Variants in NRK observed in about 807,000 individuals in gnomAD.
NRK encodes the protein nik-related protein kinase.
In NRK, 67 loss-of-function variants were observed where a neutral mutation model predicts 125.2. That is an observed-to-expected ratio of 0.54 (90% CI 0.44 to 0.66). NRK has a LOEUF of 0.66. Among genes scored for constraint, NRK ranks in the 30% least tolerant of loss-of-function variants. The probability of loss-of-function intolerance (pLI) is 0.00; values close to 1 mark genes in which losing one functional copy is unlikely to be tolerated. For missense variants in NRK, 1,224 were observed against 1,192.9 expected (o/e 1.03, Z -0.38); for synonymous variants, 458 against 429.0 (o/e 1.07, Z -0.84).
At chrX:105,873,845 C>T in intron 2 of NRK, among the ~76,000 whole-genome samples, 1 of 111,507 alleles carries the variant, frequency 9.0e-6, no homozygotes, top group East Asian at 2.9e-4. Flanking sequence ...ATTCATCATT[C>T]ACTAAACTAG....
At chrX:105,905,443 G>C in intron 10 of NRK, 100 bp downstream of exon 10, 3 of 601,355 alleles carry the variant, frequency 5.0e-6, no homozygotes, top group South Asian at 2.5e-5. Context: ...GCACCATCCT[G>C]GTTGGACAAT....
At chrX:105,890,778 C>T (rs2040006753) in intron 5 of NRK, among the ~76,000 whole-genome samples, 1 of 111,636 alleles carries the variant, frequency 9.0e-6, no homozygotes, top group African/African-American at 3.3e-5. Flanking sequence ...CCTCCCATGA[C>T]ATGTGGGAAT....
Position 105,898,733 on chromosome X carries a change from C to A in NRK, c.711+19C>A. On this transcript the variant is annotated intron_variant, in intron 8 of 28. Transcript: ENST00000243300. ...TTACAGAGTGAGTGTGAGAATTCAG[C>A]CAGTGGAAATTACAATTTGGAAAGG... The A allele has an allele frequency of 9.0e-7, 1 of 1,108,556 alleles. No individual in the cohort carries two copies. 91.4% of individuals were successfully genotyped at this position (1,108,556 alleles called of 1,213,427 possible). A position where few individuals can be genotyped will look rare whatever the true frequency, so the allele number is the denominator to read the frequency against.
intron 2 of NRK, among the ~76,000 whole-genome samples, chrX:105,862,057 TTATC>T (rs768946428): frequency 1.4e-4 from 14 of 102,823 alleles, no homozygotes; most frequent in Admixed American, 5.0e-4. Context: ...AGCAAGACTC[TTATC>T]TATCTATCTA....
intron 11 of NRK, 197 bp from the exon 12 acceptor site, chrX:105,908,043 C>T (rs935158661): frequency 6.6e-6 from 2 of 303,226 alleles, no homozygotes; most frequent in African/African-American, 5.6e-5. Context: ...CATGCAATAG[C>T]TATATTGTGC....
At chrX:105,825,397 G>A (rs961774122) in intron 1 of NRK, among the ~76,000 whole-genome samples, 2 of 112,094 alleles carry the variant, frequency 1.8e-5, no homozygotes, top group African/African-American at 6.5e-5. Flanking sequence ...GACAATGAGG[G>A]AAGATTCAAA....
In NRK at chrX:105,880,161, A is replaced by C. The variant is rs1184249936; in HGVS notation, c.124-38A>C. On this transcript the variant is annotated intron_variant, in intron 2 of 28. Coordinates refer to ENST00000243300, the MANE Select transcript of NRK (RefSeq NM_198465.4). ...TTGCTTCTTGATAGCTGGATTACCT[A>C]GCCAGCATTTGATATTTATCACTAT... 5.4e-6 allele frequency: 4 copies of C among 740,509 alleles called. No individual in the cohort carries two copies. In the Admixed American group the frequency reaches 1.3e-4, roughly 25 times the overall value. The allele number at this position is 740,509 out of a possible 1,213,427, so 61.0% of individuals were successfully genotyped here.
Position 105,956,114 on chromosome X carries a change from C to T in NRK, c.*514C>T, listed in dbSNP as rs2147808565. On this transcript the variant is annotated 3_prime_UTR_variant, in exon 29 of 29. Transcript: ENST00000243300. ...GACTAAGGTTGAACAACCTGCATGC[C>T]CAGAGAAAACTATGGCGACAAAGGG... 9.0e-6 allele frequency: 1 copy of T among 111,333 alleles called. No homozygotes were observed. Among genetic ancestry groups the T allele is most frequent in the South Asian group, 3.8e-4 (1 of 2,663 alleles). 9.2% of individuals were successfully genotyped at this position (111,333 alleles called of 1,213,427 possible). A position where few individuals can be genotyped will look rare whatever the true frequency, so the allele number is the denominator to read the frequency against.
chrX:105,822,458 A>G (rs2039033410), upstream of NRK: 1 of 221,685 alleles, frequency 4.5e-6, no homozygotes, highest in Admixed American at 6.6e-5. Flanking sequence ...CGCTGCACCA[A>G]TCCCTTTCGA....
intron 6 of NRK, chrX:105,895,207 G>T (rs1183259052): frequency 5.9e-6 from 3 of 509,027 alleles, no homozygotes; most frequent in Admixed American, 2.8e-5. Flanking sequence ...TTTTTTCGTG[G>T]GTGTCCTGAT....
At chrX:105,837,422 T>C (rs1217855042) in intron 2 of NRK, among the ~76,000 whole-genome samples, 1 of 111,619 alleles carries the variant, frequency 9.0e-6, no homozygotes, top group African/African-American at 3.3e-5. Flanking sequence ...TGGAGTTTGT[T>C]TTGGTTAAAG....
chrX:105,872,793 TC>T (rs771463365), intron 2 of NRK, among the ~76,000 whole-genome samples: 2 of 111,765 alleles, frequency 1.8e-5, no homozygotes, highest in South Asian at 7.5e-4. Flanking sequence ...CGTTAGCCTT[TC>T]AAAGTCCTTT....
At chrX:105,836,592 T>C (rs2039269108) in intron 2 of NRK, among the ~76,000 whole-genome samples, 1 of 112,016 alleles carries the variant, frequency 8.9e-6, no homozygotes, top group Non-Finnish European at 1.9e-5. Context: ...AATAAACACT[T>C]AAAAATGTTT....
At chrX:105,878,073 T>C (rs1329623716) in intron 2 of NRK, among the ~76,000 whole-genome samples, 2 of 111,203 alleles carry the variant, frequency 1.8e-5, no homozygotes, top group East Asian at 2.8e-4. Flanking sequence ...GAAGGAAGCA[T>C]TGTAACTTTT....
chrX:105,919,904 C>A (rs1255205575), intron 16 of NRK, among the ~76,000 whole-genome samples: 1 of 107,947 alleles, frequency 9.3e-6, no homozygotes, highest in African/African-American at 3.4e-5. Context: ...TTAATTAGAT[C>A]CCATTTGTCA....
chrX:105,950,368 T>A (rs1036238106), intron 27 of NRK, among the ~76,000 whole-genome samples: 3 of 110,948 alleles, frequency 2.7e-5, no homozygotes, highest in African/African-American at 9.8e-5. Context: ...TTGAGATTCT[T>A]GTATATGTTC....
intron 15 of NRK, among the ~76,000 whole-genome samples, chrX:105,916,901 A>C (rs371763199): frequency 4.5e-5 from 5 of 111,950 alleles, no homozygotes; most frequent in African/African-American, 1.6e-4. Flanking sequence ...AAATTTAAAA[A>C]GTTAACTTAA....
chrX:105,867,713 T>C (rs2039690282), intron 2 of NRK, among the ~76,000 whole-genome samples: 1 of 112,008 alleles, frequency 8.9e-6, no homozygotes, highest in African/African-American at 3.2e-5. Context: ...GATTTAATCA[T>C]GGTTCCATCC....
intron 10 of NRK, 66 bp from the exon 11 acceptor site, chrX:105,906,348 G>A: frequency 2.0e-6 from 1 of 507,128 alleles, no homozygotes; most frequent in Non-Finnish European, 3.1e-6. Flanking sequence ...GCATGTGGGT[G>A]GTGGTGGGAA....
Sources: allele counts gnomAD v4.1 joint callset (sites outside exome capture counted in the v4.1 genomes callset), GRCh38; gene constraint gnomAD v4.1.1; transcripts MANE v1.5; gene names NCBI Gene and HGNC (gene_info 2026-07-23, HGNC 2026-07-21).